SGCZ: variants seen among roughly 807,000 people sequenced by gnomAD.
SGCZ encodes the protein zeta-sarcoglycan.
In SGCZ, 40 loss-of-function variants were observed where a neutral mutation model predicts 41.3. The ratio of observed to expected loss-of-function variants is 0.97; its 90% CI spans 0.75 to 1.26. The LOEUF is 1.26. SGCZ is among the 50% of genes most tolerant of loss of function. The pLI, the probability that SGCZ is intolerant of heterozygous loss-of-function variation, is 0.00. For missense variants in SGCZ, 552 were observed against 369.8 expected (o/e 1.49, Z -4.04); for synonymous variants, 206 against 137.5 (o/e 1.50, Z -3.49).
intron 1 of SGCZ, among the ~76,000 whole-genome samples, chr8:15,092,821 T>C (rs1806202046): frequency 6.6e-6 from 1 of 152,236 alleles, no homozygotes; most frequent in African/African-American, 2.4e-5. Context: ...ATGCATTGTC[T>C]GGGCTTCTTG....
At chr8:14,270,790 C>T (rs1293278534) in intron 3 of SGCZ, among the ~76,000 whole-genome samples, 1 of 152,088 alleles carries the variant, frequency 6.6e-6, no homozygotes, top group East Asian at 1.9e-4. Context: ...AGACTTGGAA[C>T]CAACCCAAAT....
intron 2 of SGCZ, among the ~76,000 whole-genome samples, chr8:14,499,279 C>T (rs1301563151): frequency 3.3e-5 from 5 of 151,950 alleles, no homozygotes; most frequent in Admixed American, 3.3e-4. Flanking sequence ...AAAACTATTA[C>T]ATTTTCTTAA....
At chr8:14,598,023 G>A (rs1805467959) in intron 1 of SGCZ, among the ~76,000 whole-genome samples, 2 of 152,108 alleles carry the variant, frequency 1.3e-5, no homozygotes, top group African/African-American at 4.8e-5. Context: ...TGATGTTTTA[G>A]GAGAAATTAT....
At chr8:14,344,645 G>C (rs1290974704) in intron 2 of SGCZ, among the ~76,000 whole-genome samples, 3 of 152,132 alleles carry the variant, frequency 2.0e-5, no homozygotes, top group Admixed American at 6.5e-5. Flanking sequence ...TTTGCAATCT[G>C]ATGGTGACAT....
intron 1 of SGCZ, among the ~76,000 whole-genome samples, chr8:14,618,054 T>C (rs1414739803): frequency 6.6e-6 from 1 of 151,758 alleles, no homozygotes; most frequent in Non-Finnish European, 1.5e-5. Flanking sequence ...AAATGAGAGA[T>C]GAAAAGCTAA....
At chr8:14,153,300 C>G (rs1478855536) in intron 5 of SGCZ, among the ~76,000 whole-genome samples, 1 of 152,134 alleles carries the variant, frequency 6.6e-6, no homozygotes, top group Non-Finnish European at 1.5e-5. Flanking sequence ...TTGGGGACTT[C>G]AATCTGAACA....
At chr8:14,743,718 G>A (rs559705835) in intron 1 of SGCZ, among the ~76,000 whole-genome samples, 3 of 152,052 alleles carry the variant, frequency 2.0e-5, no homozygotes, top group East Asian at 3.9e-4. Context: ...CATATCTTGG[G>A]CAAATATTTT....
At chr8:15,174,657 A>G (rs953359119) in intron 1 of SGCZ, among the ~76,000 whole-genome samples, 25 of 152,144 alleles carry the variant, frequency 1.6e-4, no homozygotes, top group Non-Finnish European at 2.8e-4. Flanking sequence ...CCCTTCCCTA[A>G]CATTAATAGT....
intron 1 of SGCZ, among the ~76,000 whole-genome samples, chr8:15,228,341 A>G (rs1214485102): frequency 6.6e-6 from 1 of 152,218 alleles, no homozygotes; most frequent in Non-Finnish European, 1.5e-5. Flanking sequence ...GGATGATTTA[A>G]TAATGAGGAG....
intron 1 of SGCZ, among the ~76,000 whole-genome samples, chr8:14,754,115 A>C (rs904263861): frequency 5.9e-5 from 9 of 152,190 alleles, no homozygotes; most frequent in Non-Finnish European, 1.0e-4. Flanking sequence ...GACAAATTTG[A>C]CTTTCAGCTT....
chr8:14,144,487 T>C lies in SGCZ; in HGVS notation c.547+20093A>G, dbSNP rs555913360. Among the ~76,000 whole-genome samples, 17 of 152,212 alleles carry C rather than the reference T, an allele frequency of 1.1e-4. No individual in the cohort carries two copies. The South Asian group carries it at 2.9e-3, about 26-fold the overall frequency. On this transcript the variant is annotated intron_variant, in intron 5 of 7. Coordinates refer to ENST00000382080, the MANE Select transcript of SGCZ (RefSeq NM_139167.4). ...AACCAGTAGCAATACCCAGGAACTA[T>C]GTTGAGGGCATTGGGTGAGATGTTG... is the stretch of plus-strand genomic sequence containing the variant.
chr8:14,210,676 A>G (rs1161203201), intron 4 of SGCZ, among the ~76,000 whole-genome samples: 6 of 151,760 alleles, frequency 4.0e-5, no homozygotes, highest in Non-Finnish European at 1.5e-5. Context: ...CATGTTGGCC[A>G]AGCTGTTCTT....
At chr8:15,196,049 T>A (rs1019908760) in intron 1 of SGCZ, among the ~76,000 whole-genome samples, 15 of 147,000 alleles carry the variant, frequency 1.0e-4, no homozygotes, top group Admixed American at 1.0e-3. Context: ...AGGCGCCCGC[T>A]ACCACGCCCG....
chr8:14,690,167 G>C (rs10101674), intron 1 of SGCZ, among the ~76,000 whole-genome samples: 5,284 of 149,618 alleles, frequency 0.035, 263 homozygotes, highest in African/African-American at 0.11. Context: ...TTTTGGGCCC[G>C]TGTTGTGTGT....
chr8:14,129,810 G>A (rs942385998), intron 5 of SGCZ, among the ~76,000 whole-genome samples: 1 of 151,958 alleles, frequency 6.6e-6, no homozygotes, highest in Admixed American at 6.6e-5. Context: ...CACTGAAAAT[G>A]ACAAAACATT....
chr8:14,509,831 A>G (rs373017917), intron 2 of SGCZ, among the ~76,000 whole-genome samples: 2 of 152,266 alleles, frequency 1.3e-5, no homozygotes, highest in East Asian at 3.9e-4. Context: ...AAGTGGCAGG[A>G]GAGAGAAGAG....
intron 1 of SGCZ, among the ~76,000 whole-genome samples, chr8:15,150,912 A>C (rs762271497): frequency 6.6e-6 from 1 of 152,052 alleles, no homozygotes; most frequent in Non-Finnish European, 1.5e-5. Flanking sequence ...TCTCATTTTC[A>C]CACCCTTGTG....
Position 14,093,967 on chromosome 8 carries a change from T to C in SGCZ, c.745-3330A>G, listed in dbSNP as rs538421598. 1.4e-4 allele frequency among the ~76,000 whole-genome samples: 22 copies of C among 152,108 alleles called. No individual in the cohort carries two copies. In the South Asian group the frequency reaches 4.1e-3, roughly 29 times the overall value. ...ATAGGGCCTGTCTTTGGTTCATCCATATAGAATAGGGCATGGAATTGTGAA... is the reference window on the plus strand; with the variant it reads ...ATAGGGCCTGTCTTTGGTTCATCCACATAGAATAGGGCATGGAATTGTGAA... On this transcript the variant is annotated intron_variant, in intron 7 of 7. Coordinates refer to ENST00000382080, the MANE Select transcript of SGCZ (RefSeq NM_139167.4).
chr8:14,217,487 C>T (rs992439385), intron 4 of SGCZ, among the ~76,000 whole-genome samples: 6 of 151,940 alleles, frequency 3.9e-5, no homozygotes, highest in Admixed American at 2.6e-4. Flanking sequence ...TGGGGAACCT[C>T]TTTGCACACT....
Sources: allele counts gnomAD v4.1 joint callset (sites outside exome capture counted in the v4.1 genomes callset), GRCh38; gene constraint gnomAD v4.1.1; transcripts MANE v1.5; gene names NCBI Gene and HGNC (gene_info 2026-07-23, HGNC 2026-07-21).